Variants in PIP4K2B observed in about 807,000 individuals in gnomAD.
The protein encoded by PIP4K2B is phosphatidylinositol 5-phosphate 4-kinase type-2 beta.
PIP4K2B carries 3 observed loss-of-function variants against 42.0 expected under a neutral mutation model. That is an observed-to-expected ratio of 0.07 (90% confidence interval 0.03 to 0.18). The LOEUF is 0.18. Ranked by LOEUF, PIP4K2B falls within the 10% of genes least tolerant of loss-of-function variation. The pLI is 1.00. For synonymous variants in PIP4K2B, 204 were observed against 210.1 expected, an observed-to-expected ratio of 0.97 and a Z score of 0.25; for missense variants, 332 against 562.3, an observed-to-expected ratio of 0.59 and a Z score of 4.14.
intron 1 of PIP4K2B, among the ~76,000 whole-genome samples, chr17:38,797,693 C>G (rs1160097381): frequency 6.6e-6 from 1 of 152,180 alleles, no homozygotes; most frequent in Non-Finnish European, 1.5e-5. Flanking sequence ...AGAAACAGAA[C>G]CAGCAGAGAG....
chr17:38,789,588 G>A (rs1910236359), intron 1 of PIP4K2B, among the ~76,000 whole-genome samples: 1 of 152,158 alleles, frequency 6.6e-6, no homozygotes. Context: ...GCATAAATGG[G>A]GGAAATGGCA....
chr17:38,770,349 G>C, intron 9 of PIP4K2B, 87 bp downstream of exon 9: 1 of 763,280 alleles, frequency 1.3e-6, no homozygotes, highest in Admixed American at 1.9e-5. Flanking sequence ...TGGAGCAGGA[G>C]GCCTGAGACT....
chr17:38,777,304 A>G (rs1909417096), intron 7 of PIP4K2B, among the ~76,000 whole-genome samples: 1 of 152,084 alleles, frequency 6.6e-6, no homozygotes, highest in South Asian at 2.1e-4. Flanking sequence ...AGCTCAAGCG[A>G]TCCTCCCACC....
At chr17:38,780,336 T>A (rs1598049099) in intron 4 of PIP4K2B, 116 bp downstream of exon 4, 1 of 806,692 alleles carries the variant, frequency 1.2e-6, no homozygotes, top group East Asian at 2.6e-5. Flanking sequence ...TGCTTGGTGA[T>A]CAGAAGCAGC....
intron 1 of PIP4K2B, among the ~76,000 whole-genome samples, chr17:38,789,982 G>C (rs958011513): frequency 6.6e-6 from 1 of 152,160 alleles, no homozygotes; most frequent in Non-Finnish European, 1.5e-5. Context: ...GACATGAGAA[G>C]TGTGATTCTA....
intron 8 of PIP4K2B, 112 bp from the exon 9 acceptor site, chr17:38,770,651 G>A (rs543010954): frequency 1.4e-6 from 1 of 711,602 alleles, no homozygotes; most frequent in East Asian, 2.5e-5. Context: ...TCCTTATCAT[G>A]TTGGGGCTGA....
intron 7 of PIP4K2B, among the ~76,000 whole-genome samples, chr17:38,775,738 G>A (rs773225552): frequency 2.5e-4 from 38 of 151,930 alleles, no homozygotes; most frequent in Non-Finnish European, 5.1e-4. Context: ...CGCGCCTGTA[G>A]TCCCAGCTAC....
intron 9 of PIP4K2B, among the ~76,000 whole-genome samples, chr17:38,769,977 C>G (rs1567650930): frequency 6.6e-6 from 1 of 152,012 alleles, no homozygotes; most frequent in Non-Finnish European, 1.5e-5. Context: ...GATTTATAAC[C>G]CCAGGCCTGC....
intron 9 of PIP4K2B, 35 bp from the exon 10 acceptor site, chr17:38,769,806 C>A (rs1167491229): frequency 1.2e-6 from 2 of 1,610,742 alleles, no homozygotes; most frequent in African/African-American, 2.7e-5. Flanking sequence ...AGGTTGAGTT[C>A]CTGTGCCCCA....
rs139563308 is a variant in PIP4K2B, at chr17:38,777,711, C to T, written c.783G>A (p.Leu261=). 3.7e-6 allele frequency: 6 copies of T among 1,613,474 alleles called. No homozygotes were observed. The highest frequency in any genetic ancestry group is 5.1e-6 in the Non-Finnish European group (6 of 1,179,372). ...CCTCAACGTCCCGCTTCAGTTTCTC[C>T]AGGAAGTTCTTTTTACTCTCCTCTC... ...HVGEESKKNF[L]EKLKRDVEFL... Residue 261 remains leucine, a synonymous_variant, in exon 7 of 10, where the codon CTG becomes CTA. Coordinates refer to ENST00000619039, the MANE Select transcript of PIP4K2B (RefSeq NM_003559.5).
At chr17:38,784,556 G>A (rs866324015) in intron 2 of PIP4K2B, among the ~76,000 whole-genome samples, 1 of 152,098 alleles carries the variant, frequency 6.6e-6, no homozygotes, top group African/African-American at 2.4e-5. Context: ...TCTGACTTCA[G>A]AACTCTTCAA....
rs1432891536 is a variant in PIP4K2B, at chr17:38,769,321, G to A, written c.*370C>T. On this transcript the variant is annotated 3_prime_UTR_variant, in exon 10 of 10. Transcript: ENST00000619039. ...AAATATGATTATAAATAGCAAACCT[G>A]GAGCAATGAAATTTCAGAAACAAAA... The A allele has an allele frequency of 4.4e-6, 1 of 225,908 alleles. No homozygotes were observed. The highest frequency in any genetic ancestry group is 8.7e-6 in the Non-Finnish European group (1 of 114,924). The allele number at this position is 225,908 out of a possible 1,614,324, so 14.0% of individuals were successfully genotyped here.
At chr17:38,790,453 T>A (rs228305) in intron 1 of PIP4K2B, among the ~76,000 whole-genome samples, 9 of 152,060 alleles carry the variant, frequency 5.9e-5, no homozygotes, top group Middle Eastern at 6.8e-3. Context: ...TTGGGAGGCC[T>A]AAGGGGACGG....
chr17:38,784,066 G>A (rs958852963), intron 3 of PIP4K2B, among the ~76,000 whole-genome samples, 177 bp downstream of exon 3: 2 of 152,170 alleles, frequency 1.3e-5, no homozygotes, highest in African/African-American at 2.4e-5. Flanking sequence ...CATTTCTAAG[G>A]CCCTCGCCCT....
rs1380408366 is a variant in PIP4K2B at position 38,767,573 on chromosome 17, AGTC to A, written c.*2115_*2117del. On this transcript the variant is annotated 3_prime_UTR_variant, in exon 10 of 10. Coordinates refer to ENST00000619039, the MANE Select transcript of PIP4K2B (RefSeq NM_003559.5). ...ATGTTAAACAAGTTAGATACCTGGT[AGTC>A]GTCTTTAACCAGTAAGAATGTGTTA... 1 of 152,192 alleles carries A rather than the reference AGTC, an allele frequency of 6.6e-6. No individual in the cohort carries two copies. The highest frequency in any genetic ancestry group is 2.4e-5 in the African/African-American group (1 of 41,436). 9.4% of individuals were successfully genotyped at this position (152,192 alleles called of 1,614,324 possible).
At chr17:38,792,164 T>TTGATTGATTGAG (rs1401556247) in intron 1 of PIP4K2B, among the ~76,000 whole-genome samples, 1 of 151,916 alleles carries the variant, frequency 6.6e-6, no homozygotes, top group Non-Finnish European at 1.5e-5. Flanking sequence ...GATTGATTGA[T>TTGATTGATTGAG]TGAGACAGGG....
chr17:38,788,928 AGAGT>A lies in PIP4K2B; in HGVS notation c.160-2012_160-2009del, dbSNP rs371184688. On this transcript the variant is annotated intron_variant, in intron 1 of 9. Coordinates refer to ENST00000619039, the MANE Select transcript of PIP4K2B (RefSeq NM_003559.5). ...AGATCGCGCCACTGCCTGGGCAACA[AGAGT>A]GAGACTCTGTCTCAAAAAAAAAAAA... 3.2e-4 allele frequency among the ~76,000 whole-genome samples: 48 copies of A among 150,248 alleles called. 1 individual carries two copies. In the East Asian group the frequency reaches 6.3e-3, roughly 20 times the overall value.
intron 3 of PIP4K2B, among the ~76,000 whole-genome samples, chr17:38,780,949 G>A (rs924170991): frequency 3.3e-5 from 5 of 152,078 alleles, no homozygotes; most frequent in Admixed American, 1.3e-4. Flanking sequence ...ACTCTCACAC[G>A]CACTATGACC....
intron 1 of PIP4K2B, among the ~76,000 whole-genome samples, chr17:38,795,099 C>CAAAA (rs61707682): frequency 2.0e-3 from 84 of 41,458 alleles, no homozygotes; most frequent in African/African-American, 2.3e-3. Context: ...AACTCCATCT[C>CAAAA]AAAAAAAAAA....
Sources: allele counts gnomAD v4.1 joint callset (sites outside exome capture counted in the v4.1 genomes callset), GRCh38; gene constraint gnomAD v4.1.1; transcripts MANE v1.5; gene names NCBI Gene and HGNC (gene_info 2026-07-23, HGNC 2026-07-21).